Variants in ZSCAN25 observed in about 807,000 individuals in gnomAD.
ZSCAN25 encodes the protein zinc finger and SCAN domain containing 25.
Under a neutral mutation model 38.7 loss-of-function variants are expected in ZSCAN25, and 27 were observed. The ratio of observed to expected loss-of-function variants is 0.70; its 90% CI spans 0.51 to 0.96. The LOEUF (loss-of-function observed/expected upper bound fraction) is 0.96. Among genes scored for constraint, ZSCAN25 ranks in the 40% least tolerant of loss-of-function variants. ZSCAN25 has a pLI of 0.00. For synonymous variants in ZSCAN25, 273 were observed against 277.7 expected, an observed-to-expected ratio of 0.98 and a Z score of 0.17; for missense variants, 637 against 705.9, an observed-to-expected ratio of 0.90 and a Z score of 1.11.
At chr7:99,671,842 G>A in the ZSCAN25 span, 1 of 702,808 alleles carries the variant, frequency 1.4e-6, no homozygotes. Context: ...GTGACGGAAT[G>A]GGTCTGCATC....
chr7:99,637,716 AAGTT>A, the ZSCAN25 span, among the ~76,000 whole-genome samples: 9 of 152,310 alleles, frequency 5.9e-5, no homozygotes, highest in African/African-American at 2.2e-4. Context: ...TGAAATTACT[AAGTT>A]AGAACTCATA....
chr7:99,629,113 C>A lies in ZSCAN25; in HGVS notation c.806-78C>A. ...AAAGAGAAGGAACCATGAATGGGAC[C>A]CCTGTGAAGCAGAGTTCTAACATGT... On this transcript the variant is annotated intron_variant, in intron 7 of 7. Coordinates refer to ENST00000394152, the MANE Select transcript of ZSCAN25 (RefSeq NM_145115.3). The surrounding 1 kb of genome is among the most constrained non-coding windows in gnomAD (Gnocchi z 5.6). 6.7e-7 allele frequency: 1 copy of A among 1,501,990 alleles called. No individual in the cohort carries two copies. Among genetic ancestry groups the A allele is most frequent in the Non-Finnish European group, 8.9e-7 (1 of 1,124,650 alleles). The allele number at this position is 1,501,990 out of a possible 1,614,324, so 93.0% of individuals were successfully genotyped here. A position where few individuals can be genotyped will look rare whatever the true frequency, so the allele number is the denominator to read the frequency against.
intron 6 of ZSCAN25, among the ~76,000 whole-genome samples, chr7:99,623,492 A>G (rs2151272979): frequency 1.3e-5 from 2 of 152,352 alleles, no homozygotes; most frequent in Admixed American, 1.3e-4. Flanking sequence ...CGAGTCTAAA[A>G]GAGTTCTTTG....
chr7:99,721,864 T>C, the ZSCAN25 span, among the ~76,000 whole-genome samples: 1 of 152,062 alleles, frequency 6.6e-6, no homozygotes, highest in African/African-American at 2.4e-5. Flanking sequence ...AACAAAACTA[T>C]CACAAAATAC....
chr7:99,678,001 A>G, the ZSCAN25 span, among the ~76,000 whole-genome samples: 1 of 152,202 alleles, frequency 6.6e-6, no homozygotes, highest in Admixed American at 6.5e-5. Context: ...CTGGTAGAGT[A>G]ATGCAGCCTT....
At chr7:99,624,509 A>C (rs1409281378) in intron 7 of ZSCAN25, 2 of 302,582 alleles carry the variant, frequency 6.6e-6, no homozygotes, top group Non-Finnish European at 1.3e-5. Flanking sequence ...GGGGCATCTG[A>C]GCTTGTTCAG....
At chr7:99,667,096 A>G in the ZSCAN25 span, 528 of 1,588,000 alleles carry the variant, frequency 3.3e-4, no homozygotes, top group Non-Finnish European at 4.3e-4. Context: ...TTTTTCTCAC[A>G]TTAGTTGTGG....
chr7:99,665,870 G>A, the ZSCAN25 span, among the ~76,000 whole-genome samples: 1 of 152,152 alleles, frequency 6.6e-6, no homozygotes, highest in Admixed American at 6.5e-5. Context: ...CTGACCTGAA[G>A]TTGCGCTGAG....
chr7:99,642,980 G>T, the ZSCAN25 span, among the ~76,000 whole-genome samples: 1 of 152,198 alleles, frequency 6.6e-6, no homozygotes, highest in South Asian at 2.1e-4. Flanking sequence ...CCACATAGGA[G>T]ATATTATTAT....
In ZSCAN25 at chr7:99,629,678, C is replaced by T. The variant is rs779230093; in HGVS notation, c.1293C>T (p.Tyr431=). Reference sequence around the variant, plus strand: ...GCAGCCACACTGGGGAGAAGCCCTACAAGTGCGGGGACTGCTGGAAGAGCT... The same window carrying T: ...GCAGCCACACTGGGGAGAAGCCCTATAAGTGCGGGGACTGCTGGAAGAGCT... The part of the protein sequence containing the change: ...HQRSHTGEKP[Y]KCGDCWKSFS... The change falls in exon 8 of 8, where the codon TAC becomes TAT. Residue 431 remains tyrosine, a synonymous_variant. Coordinates refer to ENST00000394152, the MANE Select transcript of ZSCAN25 (RefSeq NM_145115.3). The surrounding 1 kb of genome is among the most constrained non-coding windows in gnomAD (Gnocchi z 5.6). 6.2e-6 allele frequency: 10 copies of T among 1,613,958 alleles called. No homozygotes were observed. In the East Asian group the frequency reaches 1.8e-4, roughly 29 times the overall value.
intron 1 of ZSCAN25, among the ~76,000 whole-genome samples, 152 bp downstream of exon 1, chr7:99,617,168 C>G (rs1227463765): frequency 6.6e-6 from 1 of 152,180 alleles, no homozygotes; most frequent in African/African-American, 2.4e-5. Flanking sequence ...CGGCAAGTCT[C>G]TCAGGAGCTG....
At chr7:99,709,712 A>G in the ZSCAN25 span, among the ~76,000 whole-genome samples, 3 of 152,188 alleles carry the variant, frequency 2.0e-5, no homozygotes, top group East Asian at 1.9e-4. Context: ...CTTCTGGTTC[A>G]TAACTCTTTT....
the ZSCAN25 span, chr7:99,715,535 A>G: frequency 1.4e-6 from 1 of 702,400 alleles, no homozygotes; most frequent in African/African-American, 1.8e-5. Context: ...ATATACGACA[A>G]CAGGATTTCT....
the ZSCAN25 span, among the ~76,000 whole-genome samples, chr7:99,708,415 C>T: frequency 1.2e-4 from 19 of 152,010 alleles, no homozygotes; most frequent in Non-Finnish European, 2.2e-4. Flanking sequence ...CTTCTCCTCT[C>T]GTCTCTTGTT....
chr7:99,737,599 G>A, the ZSCAN25 span, among the ~76,000 whole-genome samples: 1 of 151,794 alleles, frequency 6.6e-6, no homozygotes, highest in Admixed American at 6.6e-5. Context: ...CCTAAACAAA[G>A]AGCCTTTCTT....
the ZSCAN25 span, among the ~76,000 whole-genome samples, chr7:99,691,830 G>C: frequency 6.6e-6 from 1 of 151,974 alleles, no homozygotes; most frequent in Non-Finnish European, 1.5e-5. Context: ...CACACCAATG[G>C]GTCTTCACTC....
chr7:99,625,671 C>G (rs955367453), intron 7 of ZSCAN25, among the ~76,000 whole-genome samples: 1 of 152,122 alleles, frequency 6.6e-6, no homozygotes, highest in African/African-American at 2.4e-5. Context: ...GCCAGGGTCC[C>G]CCTCAGGGAT....
chr7:99,706,157 G>T, the ZSCAN25 span, among the ~76,000 whole-genome samples: 1 of 152,150 alleles, frequency 6.6e-6, no homozygotes, highest in African/African-American at 2.4e-5. Flanking sequence ...GGTTTACAAG[G>T]GTAGTGCAAG....
At chr7:99,650,179 G>A in the ZSCAN25 span, 1 of 1,613,986 alleles carries the variant, frequency 6.2e-7, no homozygotes, top group Non-Finnish European at 8.5e-7. Context: ...TCTGGGTCCA[G>A]TTCCAAAGGG....
Sources: gnomAD v4.1 joint callset for allele counts (sites outside exome capture counted in the v4.1 genomes callset) on GRCh38, gnomAD v4.1.1 for gene constraint, Gnocchi (gnomAD v3.1) non-coding constraint, MANE v1.5 for transcripts, NCBI Gene and HGNC (gene_info 2026-07-23, HGNC 2026-07-21) for gene names.